The following DLG2 variants were observed in gnomAD, a reference collection of about 807,000 sequenced individuals.
DLG2 encodes discs large MAGUK scaffold protein 2.
DLG2 carries 45 observed loss-of-function variants against 132.5 expected under a neutral mutation model. The observed-to-expected ratio is 0.34, with a 90% confidence interval of 0.27 to 0.44. The LOEUF (loss-of-function observed/expected upper bound fraction) is 0.44. Ranked by LOEUF, DLG2 falls within the 20% of genes least tolerant of loss-of-function variation. DLG2 has a pLI of 1.00. For synonymous variants in DLG2, 424 were observed against 419.6 expected (o/e 1.01, Z -0.13); for missense variants, 1,045 against 1,196.9 (o/e 0.87, Z 1.87).
chr11:83,776,083 C>G (rs1292553636), intron 18 of DLG2, among the ~76,000 whole-genome samples: 2 of 151,804 alleles, frequency 1.3e-5, no homozygotes, highest in African/African-American at 4.8e-5. Context: ...CAGAGCGAGA[C>G]TCTGTCTCAA....
intron 6 of DLG2, among the ~76,000 whole-genome samples, chr11:84,808,682 A>G (rs1230309907): frequency 1.3e-5 from 2 of 152,030 alleles, no homozygotes; most frequent in African/African-American, 4.8e-5. Context: ...ACAGTTCTAT[A>G]CACATAAATT....
intron 7 of DLG2, among the ~76,000 whole-genome samples, chr11:84,492,009 T>C (rs1603202914): frequency 6.6e-6 from 1 of 152,156 alleles, no homozygotes; most frequent in East Asian, 1.9e-4. Context: ...TGTTACATTC[T>C]AGAGGCTTTT....
At chr11:84,773,262 G>A (rs2069742909) in intron 6 of DLG2, among the ~76,000 whole-genome samples, 1 of 152,078 alleles carries the variant, frequency 6.6e-6, no homozygotes, top group Non-Finnish European at 1.5e-5. Context: ...GACCAATAAT[G>A]AGTTTCAGAA....
At position 84,330,517 on chromosome 11, in the gene DLG2, T is replaced by A. The variant is rs1296066245; in HGVS notation, c.520-79226A>T. On this transcript the variant is annotated intron_variant, in intron 7 of 27. Coordinates refer to ENST00000376104, the MANE Select transcript of DLG2 (RefSeq NM_001142699.3). ...GCATTAGCAGGAGTGACACCAGGAA[T>A]AAATTAAGGTCCATATAACATTGGA... Among the ~76,000 whole-genome samples the A allele has an allele frequency of 2.0e-5, 3 of 152,220 alleles. No homozygotes were observed. The East Asian group carries it at 5.8e-4, about 29-fold the overall frequency.
At chr11:85,428,547 A>G (rs920110086) in intron 3 of DLG2, among the ~76,000 whole-genome samples, 22 of 152,254 alleles carry the variant, frequency 1.4e-4, no homozygotes, top group Non-Finnish European at 2.9e-5. Context: ...TAATGAAATG[A>G]AGGCAGAAAT....
At chr11:85,336,939 C>T (rs2082175046) in intron 3 of DLG2, among the ~76,000 whole-genome samples, 3 of 152,138 alleles carry the variant, frequency 2.0e-5, no homozygotes, top group South Asian at 4.1e-4. Context: ...GAAATACTGG[C>T]TTTAGGAAGT....
At chr11:85,530,821 CT>C (rs2075153500) in intron 3 of DLG2, among the ~76,000 whole-genome samples, 2 of 152,176 alleles carry the variant, frequency 1.3e-5, no homozygotes, top group Admixed American at 1.3e-4. Flanking sequence ...GGCCTAATGC[CT>C]TGTGGTTAGA....
intron 6 of DLG2, among the ~76,000 whole-genome samples, chr11:85,033,865 T>G (rs1010610401): frequency 6.6e-6 from 1 of 152,224 alleles, no homozygotes; most frequent in Non-Finnish European, 1.5e-5. Context: ...ATCTATTTTT[T>G]TCTTCTTTAT....
chr11:84,370,252 G>T (rs745699962), intron 7 of DLG2, among the ~76,000 whole-genome samples: 4 of 152,020 alleles, frequency 2.6e-5, no homozygotes, highest in Non-Finnish European at 5.9e-5. Context: ...GGGGGAAGTT[G>T]TATTTTTTTT....
chr11:84,158,442 C>G lies in DLG2; in HGVS notation c.624+5019G>C, dbSNP rs148889013. On this transcript the variant is annotated intron_variant, in intron 9 of 27. Coordinates refer to ENST00000376104, the MANE Select transcript of DLG2 (RefSeq NM_001142699.3). The stretch of plus-strand genomic sequence containing the variant: ...CTGTTTGGAGGAAATGATATTTAAG[C>G]TTAATTTTGACAGCAGTCTAATTCA... Among the ~76,000 whole-genome samples the G allele has an allele frequency of 1.9e-3, 286 of 152,242 alleles. 2 individuals carry two copies. The highest frequency in any genetic ancestry group is 6.7e-3 in the African/African-American group (280 of 41,546).
chr11:85,581,405 T>G (rs1157832752), intron 3 of DLG2, among the ~76,000 whole-genome samples: 1 of 151,924 alleles, frequency 6.6e-6, no homozygotes, highest in East Asian at 1.9e-4. Flanking sequence ...CTGCACTCAG[T>G]TGAAGACCAG....
intron 8 of DLG2, among the ~76,000 whole-genome samples, chr11:84,250,736 T>A (rs1300300590): frequency 1.3e-5 from 2 of 152,232 alleles, no homozygotes; most frequent in East Asian, 3.8e-4. Flanking sequence ...TTGATCCTAT[T>A]ATCTCATGCT....
chr11:84,714,605 TTCTCTTTCTCTTTCTCTTTCTCTCTCTC>T (rs2060925411), intron 6 of DLG2, among the ~76,000 whole-genome samples: 3 of 99,438 alleles, frequency 3.0e-5, no homozygotes, highest in African/African-American at 4.4e-5. Context: ...TTCTTTCTCT[TTCTCTTTCTCTTTCTCTTTCTCTCTCTC>T]TCTCTCTCTC....
chr11:84,401,808 G>C (rs1170316949), intron 7 of DLG2, among the ~76,000 whole-genome samples: 1 of 152,012 alleles, frequency 6.6e-6, no homozygotes, highest in Non-Finnish European at 1.5e-5. Flanking sequence ...TCAGCCTCCC[G>C]AGTAGCTGGG....
At chr11:84,565,962 T>TC (rs1182417421) in intron 6 of DLG2, among the ~76,000 whole-genome samples, 1 of 148,874 alleles carries the variant, frequency 6.7e-6, no homozygotes, top group East Asian at 2.0e-4. Flanking sequence ...ATGATGAAGT[T>TC]TTTTTTTTTT....
chr11:84,568,008 G>A (rs1482071039), intron 6 of DLG2, among the ~76,000 whole-genome samples: 2 of 152,152 alleles, frequency 1.3e-5, no homozygotes, highest in Non-Finnish European at 2.9e-5. Context: ...ATGAGAACTG[G>A]AGGCAGTCAT....
At chr11:84,812,088 G>T (rs904574509) in intron 6 of DLG2, among the ~76,000 whole-genome samples, 1 of 152,082 alleles carries the variant, frequency 6.6e-6, no homozygotes, top group South Asian at 2.1e-4. Flanking sequence ...AAGCGTTTCA[G>T]ACACTGAAGA....
chr11:83,733,643 T>C (rs1384549352), intron 18 of DLG2, among the ~76,000 whole-genome samples: 1 of 152,214 alleles, frequency 6.6e-6, no homozygotes, highest in Non-Finnish European at 1.5e-5. Context: ...TTCTGGCTTC[T>C]TCCTCCTCTC....
intron 6 of DLG2, among the ~76,000 whole-genome samples, chr11:84,629,683 C>G (rs1423617217): frequency 6.6e-6 from 1 of 152,148 alleles, no homozygotes; most frequent in Non-Finnish European, 1.5e-5. Context: ...TCCCCAGTAC[C>G]TAACAGAACT....
Sources: allele counts gnomAD v4.1 joint callset (sites outside exome capture counted in the v4.1 genomes callset), GRCh38; gene constraint gnomAD v4.1.1; transcripts MANE v1.5; gene names NCBI Gene and HGNC (gene_info 2026-07-23, HGNC 2026-07-21).